ALPL: variants seen among roughly 807,000 people sequenced by gnomAD.
ALPL encodes the protein alkaline phosphatase, tissue-nonspecific isozyme.
Under a neutral mutation model 51.3 loss-of-function variants are expected in ALPL, and 42 were observed. The ratio of observed to expected loss-of-function variants is 0.82; its 90% CI spans 0.64 to 1.06. The LOEUF is 1.06. Ranked by LOEUF, ALPL falls within the 50% of genes least tolerant of loss-of-function variation. The probability of loss-of-function intolerance (pLI) is 0.00; values close to 1 mark genes in which losing one functional copy is unlikely to be tolerated. For missense variants in ALPL, 589 were observed against 709.4 expected (o/e 0.83, Z 1.93); for synonymous variants, 279 against 296.4 (o/e 0.94, Z 0.60).
At chr1:21,528,342 G>GTTTT (rs11368122) in intron 1 of ALPL, among the ~76,000 whole-genome samples, 5 of 111,940 alleles carry the variant, frequency 4.5e-5, no homozygotes, top group East Asian at 2.6e-4. Flanking sequence ...GACCTATTCA[G>GTTTT]TTTTTTTTTT....
rs954135116 is a variant in ALPL, at chr1:21,563,170, G to A, written c.358G>A (p.Gly120Arg). Reference protein sequence around the residue: ...SAGTATAYLCGVKANEGTVGV... With the variant: ...SAGTATAYLCRVKANEGTVGV... ...CGGCACCGCCACCGCCTACCTGTGT[G>A]GGGTGAAGGCCAATGAGGGCACCGT... Residue 120 changes from glycine (G) to arginine (R), a missense_variant, in exon 5 of 12, where the codon GGG becomes AGG. Coordinates refer to ENST00000374840, the MANE Select transcript of ALPL (RefSeq NM_000478.6). 1 of 1,613,818 alleles carries A rather than the reference G, an allele frequency of 6.2e-7. No individual in the cohort carries two copies. The highest frequency in any genetic ancestry group is 8.5e-7 in the Non-Finnish European group (1 of 1,179,930).
chr1:21,557,777 C>T (rs893537336), intron 2 of ALPL, among the ~76,000 whole-genome samples: 9 of 152,088 alleles, frequency 5.9e-5, no homozygotes, highest in Non-Finnish European at 1.2e-4. Context: ...AAAAGGGCAC[C>T]GATCTTAAAT....
intron 1 of ALPL, among the ~76,000 whole-genome samples, chr1:21,520,485 T>TTGAGA: frequency 6.8e-6 from 1 of 146,904 alleles, no homozygotes; most frequent in Admixed American, 6.7e-5. Context: ...TTTTTTTTTT[T>TTGAGA]GAGACGGAGT....
intron 7 of ALPL, 101 bp downstream of exon 7, chr1:21,568,348 A>G: frequency 2.0e-6 from 3 of 1,530,950 alleles, no homozygotes; most frequent in East Asian, 2.3e-5. Flanking sequence ...TAGAAAGGGC[A>G]TCGGAAATCT....
In ALPL at chr1:21,577,953, C is replaced by T. The variant is rs76073898; in HGVS notation, c.*305C>T. On this transcript the variant is annotated 3_prime_UTR_variant, in exon 12 of 12. Transcript: ENST00000374840. ...TTCTCAAAGCCTCTTATTTTTCTAG[C>T]GAACGTATTTCTCCAGACCCAGAGG... 9.7e-3 allele frequency: 5,028 copies of T among 520,796 alleles called. 185 individuals are homozygous for T. Among genetic ancestry groups the T allele is most frequent in the African/African-American group, 0.086 (4,500 of 52,604 alleles). The allele number at this position is 520,796 out of a possible 1,614,324, so 32.3% of individuals were successfully genotyped here. A position where few individuals can be genotyped will look rare whatever the true frequency, so the allele number is the denominator to read the frequency against.
intron 1 of ALPL, among the ~76,000 whole-genome samples, chr1:21,547,573 G>A (rs567601037): frequency 1.4e-4 from 21 of 152,298 alleles, no homozygotes; most frequent in African/African-American, 5.1e-4. Context: ...CAAATTCCCT[G>A]CCCTAAGCTC....
intron 3 of ALPL, 49 bp from the exon 4 acceptor site, chr1:21,561,048 T>C (rs539223171): frequency 2.4e-5 from 37 of 1,524,484 alleles, no homozygotes; most frequent in African/African-American, 4.1e-5. Context: ...AGCAGGCTGA[T>C]TGGAGAGGCA....
intron 1 of ALPL, among the ~76,000 whole-genome samples, chr1:21,511,842 A>C (rs1043541058): frequency 2.6e-5 from 4 of 152,178 alleles, no homozygotes; most frequent in African/African-American, 9.7e-5. Context: ...GCTGGATATG[A>C]TCTTGGAAAG....
At chr1:21,546,795 T>C (rs577278201) in intron 1 of ALPL, among the ~76,000 whole-genome samples, 6 of 152,318 alleles carry the variant, frequency 3.9e-5, no homozygotes, top group Non-Finnish European at 5.9e-5. Flanking sequence ...GGGATACTAG[T>C]CCCTAGCCCA....
At chr1:21,510,195 C>T (rs1570146366) in intron 1 of ALPL, among the ~76,000 whole-genome samples, 2 of 152,190 alleles carry the variant, frequency 1.3e-5, no homozygotes. Flanking sequence ...GGTGGGCCTC[C>T]CAGGGCTGCT....
At chr1:21,575,564 A>T (rs1157508599) in intron 9 of ALPL, among the ~76,000 whole-genome samples, 169 bp from the exon 10 acceptor site, 1 of 152,172 alleles carries the variant, frequency 6.6e-6, no homozygotes, top group African/African-American at 2.4e-5. Context: ...GTCAGGTTGA[A>T]TGGCTGCGTA....
Position 21,576,513 on chromosome 1 carries a change from C to A in ALPL, c.1190-9C>A. On this transcript the variant is annotated splice_polypyrimidine_tract_variant and intron_variant, in intron 10 of 11. Transcript: ENST00000374840. Reference sequence around the variant, plus strand: ...CAGCATGACCCCTGAACACCCCCTCCCTGTGCAGGTCTGGCCCCCATGCTG... The same window carrying A: ...CAGCATGACCCCTGAACACCCCCTCACTGTGCAGGTCTGGCCCCCATGCTG... 1 of 1,613,718 alleles carries A rather than the reference C, an allele frequency of 6.2e-7. No homozygotes were observed. Among genetic ancestry groups the A allele is most frequent in the Non-Finnish European group, 8.5e-7 (1 of 1,179,780 alleles).
At position 21,564,019 on chromosome 1, in the gene ALPL, ACCCG is replaced by A; in HGVS notation, c.473-18_473-15del. ...CACCCCGATCTGTGGATAAAGCCAAACCCGCCCCTCCTGCACCCCAGGGAAATCT... is the reference window on the plus strand; with the variant it reads ...CACCCCGATCTGTGGATAAAGCCAAACCCCTCCTGCACCCCAGGGAAATCT... On this transcript the variant is annotated intron_variant, in intron 5 of 11. Coordinates refer to ENST00000374840, the MANE Select transcript of ALPL (RefSeq NM_000478.6). The surrounding 1 kb of genome is among the most constrained non-coding windows in gnomAD (Gnocchi z 5.8). The A allele has an allele frequency of 6.2e-7, 1 of 1,610,904 alleles. No individual in the cohort carries two copies.
chr1:21,540,164 A>G (rs1644163850), intron 1 of ALPL, among the ~76,000 whole-genome samples: 1 of 152,134 alleles, frequency 6.6e-6, no homozygotes, highest in African/African-American at 2.4e-5. Flanking sequence ...CCTGGGGCAG[A>G]ACATGTCCTT....
intron 8 of ALPL, among the ~76,000 whole-genome samples, chr1:21,572,543 C>T (rs146223471): frequency 4.2e-4 from 64 of 152,224 alleles, no homozygotes; most frequent in Non-Finnish European, 7.4e-4. Flanking sequence ...CACACAAGCG[C>T]GTGAATTCCA....
chr1:21,520,622 C>T (rs990070766), intron 1 of ALPL, among the ~76,000 whole-genome samples: 12 of 152,026 alleles, frequency 7.9e-5, no homozygotes, highest in South Asian at 2.1e-4. Flanking sequence ...CCACCACGCC[C>T]GGCTAATTTT....
chr1:21,555,353 G>A (rs749408185), intron 2 of ALPL, among the ~76,000 whole-genome samples: 5 of 152,184 alleles, frequency 3.3e-5, no homozygotes, highest in African/African-American at 4.8e-5. Context: ...ACTTCAGGCC[G>A]TCTGGATGTA....
chr1:21,515,818 A>G (rs1643787120), intron 1 of ALPL, among the ~76,000 whole-genome samples: 1 of 151,452 alleles, frequency 6.6e-6, no homozygotes, highest in Admixed American at 6.6e-5. Flanking sequence ...CTGTCACTGA[A>G]GTGTCTCAGG....
At chr1:21,568,844 G>A (rs1358697100) in intron 7 of ALPL, among the ~76,000 whole-genome samples, 2 of 152,112 alleles carry the variant, frequency 1.3e-5, no homozygotes, top group Admixed American at 1.3e-4. Flanking sequence ...AATAGATTGG[G>A]GAAGGGAGGC....
Sources: gnomAD v4.1 joint callset for allele counts (sites outside exome capture counted in the v4.1 genomes callset) on GRCh38, gnomAD v4.1.1 for gene constraint, Gnocchi (gnomAD v3.1) non-coding constraint, MANE v1.5 for transcripts, NCBI Gene and HGNC (gene_info 2026-07-23, HGNC 2026-07-21) for gene names.